Variants in ADRA1B observed in about 807,000 individuals in gnomAD.
ADRA1B encodes adrenoceptor alpha 1B, also known as alpha-1B adrenergic receptor.
In ADRA1B, 17 loss-of-function variants were observed where a neutral mutation model predicts 17.9. That is an observed-to-expected ratio of 0.95 (90% CI 0.65 to 1.42). The LOEUF is 1.42. Among genes scored for constraint, ADRA1B ranks in the 40% most tolerant of loss-of-function variants. The pLI is 0.00. For missense variants in ADRA1B, 681 were observed against 722.1 expected, an observed-to-expected ratio of 0.94 and a Z score of 0.65; for synonymous variants, 366 against 327.6, an observed-to-expected ratio of 1.12 and a Z score of -1.27.
In ADRA1B at chr5:159,972,440, A is replaced by G. The variant is rs1755895314; in HGVS notation, c.1511A>G (p.Asn504Ser). The G allele has an allele frequency of 1.3e-6, 2 of 1,498,452 alleles. No individual in the cohort carries two copies. The highest frequency in any genetic ancestry group is 2.7e-5 in the East Asian group (1 of 37,206). 92.8% of individuals were successfully genotyped at this position (1,498,452 alleles called of 1,614,324 possible). Residue 504 changes from asparagine to serine, a missense_variant, in exon 2 of 2, where the codon AAC becomes AGC. Asn to Ser is a conservative substitution (Grantham distance 46, BLOSUM62 1). Transcript: ENST00000306675. ...TGCGAGGCCGCGGCCGACGTGGCCA[A>G]CGGGCAGCCGGGCTTCAAAAGCAAC... ...GGCEAAADVA[N>S]GQPGFKSNMP...
intron 1 of ADRA1B, among the ~76,000 whole-genome samples, chr5:159,945,752 G>T (rs55977133): frequency 0.12 from 17,262 of 145,126 alleles, 1,250 homozygotes; most frequent in Non-Finnish European, 0.16. Flanking sequence ...TTGTTTGTTT[G>T]TTTTTTTTTT....
At chr5:159,886,084 G>A (rs1038076560) in intron 1 of ADRA1B, among the ~76,000 whole-genome samples, 6 of 152,196 alleles carry the variant, frequency 3.9e-5, no homozygotes, top group Non-Finnish European at 8.8e-5. Context: ...CAATAAGTTA[G>A]TATCATTCAG....
At chr5:159,940,711 T>TACACACACTTACACATAC (rs1755100873) in intron 1 of ADRA1B, among the ~76,000 whole-genome samples, 1 of 152,124 alleles carries the variant, frequency 6.6e-6, no homozygotes, top group Non-Finnish European at 1.5e-5. Flanking sequence ...CACATGCATA[T>TACACACACTTACACATAC]ACACACACTT....
chr5:159,933,364 G>A (rs368205371), intron 1 of ADRA1B, among the ~76,000 whole-genome samples: 1 of 152,182 alleles, frequency 6.6e-6, no homozygotes. Context: ...CAGACTCCCG[G>A]GAAAGGCCTC....
chr5:159,976,494 C>T (rs1033755172), downstream of ADRA1B, among the ~76,000 whole-genome samples: 4 of 151,892 alleles, frequency 2.6e-5, no homozygotes, highest in African/African-American at 9.7e-5. Flanking sequence ...ATGTGAAACC[C>T]TGTCTCTACT....
chr5:159,921,457 G>T (rs1267826859), intron 1 of ADRA1B, among the ~76,000 whole-genome samples: 1 of 152,206 alleles, frequency 6.6e-6, no homozygotes, highest in Non-Finnish European at 1.5e-5. Flanking sequence ...GCCCACCTAG[G>T]GAAGGCCTTG....
chr5:159,957,883 C>T (rs976064204), intron 1 of ADRA1B, among the ~76,000 whole-genome samples: 40 of 131,718 alleles, frequency 3.0e-4, no homozygotes, highest in African/African-American at 1.1e-3. Context: ...GAGCCAAGAT[C>T]ACACCATTGC....
chr5:159,960,419 T>C (rs919503849), intron 1 of ADRA1B, among the ~76,000 whole-genome samples: 2 of 152,218 alleles, frequency 1.3e-5, no homozygotes, highest in African/African-American at 2.4e-5. Flanking sequence ...GTCAACCCCA[T>C]AGTGAGGTGG....
chr5:159,976,007 A>T (rs1755968071), downstream of ADRA1B, among the ~76,000 whole-genome samples: 2 of 152,164 alleles, frequency 1.3e-5, no homozygotes, highest in African/African-American at 4.8e-5. Flanking sequence ...CTCAAATTCC[A>T]CCTCTGCCAG....
At chr5:159,959,793 A>C (rs1755630135) in intron 1 of ADRA1B, among the ~76,000 whole-genome samples, 1 of 142,144 alleles carries the variant, frequency 7.0e-6, no homozygotes, top group African/African-American at 2.6e-5. Flanking sequence ...AATTGTAATA[A>C]AAATTTTAAA....
At chr5:159,888,481 AT>A (rs770628112) in intron 1 of ADRA1B, 29 of 152,044 alleles carry the variant, frequency 1.9e-4, no homozygotes, top group Non-Finnish European at 3.7e-4. Flanking sequence ...AAAGTATTTT[AT>A]TCTTACCAAA....
intron 1 of ADRA1B, among the ~76,000 whole-genome samples, chr5:159,877,883 G>A (rs1430770733): frequency 1.3e-5 from 2 of 152,222 alleles, no homozygotes; most frequent in Admixed American, 6.5e-5. Context: ...AGTCTAGGAA[G>A]TGATGTTTTG....
intron 1 of ADRA1B, chr5:159,866,986 A>AT (rs1276433569): frequency 6.6e-6 from 1 of 152,228 alleles, no homozygotes; most frequent in Admixed American, 6.5e-5. Flanking sequence ...AAGTATTCCC[A>AT]TAGATCTACT....
upstream of ADRA1B, among the ~76,000 whole-genome samples, chr5:159,915,105 G>A (rs892159665): frequency 7.2e-5 from 11 of 152,148 alleles, no homozygotes; most frequent in Admixed American, 2.0e-4. Flanking sequence ...AGTGGCTCAG[G>A]CCCCAAAATT....
chr5:159,949,105 G>A (rs1755354014), intron 1 of ADRA1B, among the ~76,000 whole-genome samples: 1 of 152,096 alleles, frequency 6.6e-6, no homozygotes. Context: ...GTAATTTCAG[G>A]GAAACTAAAT....
intron 1 of ADRA1B, among the ~76,000 whole-genome samples, chr5:159,882,218 T>A (rs540538954): frequency 6.6e-6 from 1 of 152,214 alleles, no homozygotes; most frequent in South Asian, 2.1e-4. Context: ...CCCTTACAGA[T>A]CATCTAGCCA....
chr5:159,987,657 T>C, the ADRA1B span, among the ~76,000 whole-genome samples: 670 of 152,338 alleles, frequency 4.4e-3, 5 homozygotes, highest in African/African-American at 0.016. Context: ...ATAGATGCAG[T>C]CAGATATTCT....
intron 1 of ADRA1B, among the ~76,000 whole-genome samples, chr5:159,969,509 T>C (rs893637558): frequency 4.6e-5 from 7 of 152,170 alleles, no homozygotes; most frequent in African/African-American, 1.7e-4. Context: ...ACCTCAGAGA[T>C]TTCCAGCTAC....
At chr5:159,903,569 G>C (rs1754125386) in intron 1 of ADRA1B, among the ~76,000 whole-genome samples, 2 of 152,170 alleles carry the variant, frequency 1.3e-5, no homozygotes, top group South Asian at 4.1e-4. Context: ...CTTTAGCTAA[G>C]AATTGGATCC....
Sources: gnomAD v4.1 joint callset for allele counts (sites outside exome capture counted in the v4.1 genomes callset) on GRCh38, gnomAD v4.1.1 for gene constraint, MANE v1.5 for transcripts, NCBI Gene and HGNC (gene_info 2026-07-23, HGNC 2026-07-21) for gene names.